Variants in NDUFAF6 observed in about 807,000 individuals in gnomAD.
NDUFAF6 encodes the protein NADH dehydrogenase (ubiquinone) complex I, assembly factor 6.
A neutral mutation model predicts 40.8 loss-of-function variants in NDUFAF6; 45 were observed. The ratio of observed to expected loss-of-function variants is 1.10; its 90% CI spans 0.87 to 1.42. NDUFAF6 has a LOEUF of 1.42. NDUFAF6 is among the 40% of genes most tolerant of loss of function. The probability of loss-of-function intolerance (pLI) is 0.00; values close to 1 mark genes in which losing one functional copy is unlikely to be tolerated. For synonymous variants in NDUFAF6, 185 were observed against 155.9 expected, an observed-to-expected ratio of 1.19 and a Z score of -1.39; for missense variants, 435 against 418.5, an observed-to-expected ratio of 1.04 and a Z score of -0.34.
chr8:94,949,762 T>TG (rs1822408175), intron 2 of NDUFAF6, among the ~76,000 whole-genome samples: 1 of 151,322 alleles, frequency 6.6e-6, no homozygotes, highest in South Asian at 2.1e-4. Context: ...TCTCGCCGAG[T>TG]GAAGGGTCGA....
At chr8:95,097,590 T>C (rs1425129464), upstream of NDUFAF6, among the ~76,000 whole-genome samples, 1 of 152,090 alleles carries the variant, frequency 6.6e-6, no homozygotes, top group Non-Finnish European at 1.5e-5. Flanking sequence ...TCTCAGCTAC[T>C]CAGGAGGCTG....
chr8:94,982,415 G>C (rs1489098278), intron 2 of NDUFAF6, among the ~76,000 whole-genome samples: 1 of 152,142 alleles, frequency 6.6e-6, no homozygotes, highest in African/African-American at 2.4e-5. Context: ...GTTTGTGTAG[G>C]TATACTCTAT....
At chr8:94,899,407 C>T (rs149964031) in intron 1 of NDUFAF6, among the ~76,000 whole-genome samples, 1 of 152,188 alleles carries the variant, frequency 6.6e-6, no homozygotes, top group African/African-American at 2.4e-5. Flanking sequence ...TTCCTTTTTT[C>T]TTCTTTTCTG....
At chr8:94,997,325 CACACACACACACACACACAG>C (rs1826481922) in intron 2 of NDUFAF6, among the ~76,000 whole-genome samples, 2 of 138,852 alleles carry the variant, frequency 1.4e-5, no homozygotes, top group South Asian at 2.5e-4. Context: ...CACACACACA[CACACACACACACACACACAG>C]AGAGAGAGAG....
intron 2 of NDUFAF6, among the ~76,000 whole-genome samples, chr8:95,014,611 G>A (rs565957192): frequency 1.3e-5 from 2 of 152,310 alleles, no homozygotes; most frequent in South Asian, 4.1e-4. Flanking sequence ...CCTGGTTTAT[G>A]GTTTTGTTTA....
chr8:94,994,141 A>T (rs1033240668), intron 2 of NDUFAF6, among the ~76,000 whole-genome samples: 7 of 152,096 alleles, frequency 4.6e-5, no homozygotes, highest in African/African-American at 1.7e-4. Flanking sequence ...TGCCCCATTT[A>T]TGTTGGGCTT....
intron 1 of NDUFAF6, among the ~76,000 whole-genome samples, chr8:94,940,445 C>G (rs1821421486): frequency 6.6e-6 from 1 of 150,476 alleles, no homozygotes; most frequent in African/African-American, 2.4e-5. Context: ...CACAGAAATT[C>G]TGTGTGTGTG....
intron 3 of NDUFAF6, among the ~76,000 whole-genome samples, chr8:95,038,632 G>A (rs1181569089): frequency 1.3e-5 from 2 of 152,094 alleles, no homozygotes; most frequent in African/African-American, 2.4e-5. Flanking sequence ...ACAGGCGTGA[G>A]CGAATTGTTT....
chr8:95,117,684 G>A (rs1241617569), downstream of NDUFAF6, among the ~76,000 whole-genome samples: 1 of 152,170 alleles, frequency 6.6e-6, no homozygotes, highest in Non-Finnish European at 1.5e-5. Context: ...TAGACAGGCC[G>A]TATGACTAGG....
chr8:94,895,879 G>A, exon 1 of NDUFAF6: 1 of 153,630 alleles, frequency 6.5e-6, no homozygotes, highest in South Asian at 2.1e-4. Flanking sequence ...CCGCTCCGCC[G>A]GCCTTGCGCG....
At chr8:94,940,055 T>G in intron 1 of NDUFAF6, 1 of 1,614,200 alleles carries the variant, frequency 6.2e-7, no homozygotes, top group Non-Finnish European at 8.5e-7. Flanking sequence ...CCAGCTCTCC[T>G]CCATTGGACA....
intron 4 of NDUFAF6, among the ~76,000 whole-genome samples, chr8:95,108,876 T>C (rs1364903945): frequency 6.6e-6 from 1 of 152,180 alleles, no homozygotes; most frequent in Non-Finnish European, 1.5e-5. Context: ...GGGATTCCAA[T>C]ATTGATTAGT....
At chr8:95,089,925 A>T (rs1214049613) in intron 2 of NDUFAF6, among the ~76,000 whole-genome samples, 1 of 152,122 alleles carries the variant, frequency 6.6e-6, no homozygotes, top group African/African-American at 2.4e-5. Flanking sequence ...CCTCACTATT[A>T]TGGGTTTTAC....
intron 2 of NDUFAF6, among the ~76,000 whole-genome samples, chr8:94,982,167 G>A (rs1825501655): frequency 6.6e-6 from 1 of 152,024 alleles, no homozygotes; most frequent in South Asian, 2.1e-4. Context: ...AGGAGGCAGA[G>A]CTTGCAGTGA....
chr8:94,904,320 C>CTTTTTTTTTTTTTTTTTTTTTTTTTTT lies in NDUFAF6; in HGVS notation c.-936+8404_-936+8430dup, dbSNP rs57749627. Reference sequence around the variant, plus strand: ...CATCACACCTGGCTAATTTTTTTTGCTTTTTTTTTTTTTTTTTTTTTTTTT... The same window carrying CTTTTTTTTTTTTTTTTTTTTTTTTTTT: ...CATCACACCTGGCTAATTTTTTTTGCTTTTTTTTTTTTTTTTTTTTTTTTTTTTTTTTTTTTTTTTTTTTTTTTTTTT... On this transcript the variant is annotated intron_variant, in intron 1 of 14. Coordinates refer to the NDUFAF6 transcript ENST00000396113. Among the ~76,000 whole-genome samples the CTTTTTTTTTTTTTTTTTTTTTTTTTTT allele has an allele frequency of 8.8e-5, 3 of 34,138 alleles. 1 individual carries two copies. The highest frequency in any genetic ancestry group is 3.0e-4 in the African/African-American group (2 of 6,580). 22.4% of individuals were successfully genotyped at this position (34,138 alleles called of 152,430 possible).
In NDUFAF6 at chr8:95,041,635, A is replaced by G. The variant is rs1418860295; in HGVS notation, c.477+9A>G. 1 of 1,608,526 alleles carries G rather than the reference A, an allele frequency of 6.2e-7. No individual in the cohort carries two copies. Among genetic ancestry groups the G allele is most frequent in the Non-Finnish European group, 8.5e-7 (1 of 1,175,140 alleles). Reference sequence around the variant, plus strand: ...AAATCGTCGATGAAAGAGTGAGTCAAAATTGTTCAAGTCTTAAGTTTTTTC... The same window carrying G: ...AAATCGTCGATGAAAGAGTGAGTCAGAATTGTTCAAGTCTTAAGTTTTTTC... On this transcript the variant is annotated intron_variant, in intron 4 of 8. Transcript: ENST00000396124.
intron 9 of NDUFAF6, among the ~76,000 whole-genome samples, chr8:95,073,387 GCAGCGCCACCTCTC>G (rs1832934848): frequency 6.6e-6 from 1 of 152,222 alleles, no homozygotes; most frequent in African/African-American, 2.4e-5. Flanking sequence ...GGCCGAGTAG[GCAGCGCCACCTCTC>G]CCGAGCGCCC....
chr8:95,060,680 A>G (rs112118030), downstream of NDUFAF6, among the ~76,000 whole-genome samples: 9 of 152,374 alleles, frequency 5.9e-5, no homozygotes, highest in African/African-American at 1.7e-4. Context: ...CATTAGTACT[A>G]GAGCTGGATG....
At chr8:94,950,422 T>A (rs548890531) in intron 2 of NDUFAF6, 1 of 152,282 alleles carries the variant, frequency 6.6e-6, no homozygotes, top group Non-Finnish European at 1.5e-5. Flanking sequence ...ATGTAGTTCT[T>A]TGACCTGGGG....
Sources: gnomAD v4.1 joint callset for allele counts (sites outside exome capture counted in the v4.1 genomes callset) on GRCh38, gnomAD v4.1.1 for gene constraint, MANE v1.5 for transcripts, NCBI Gene and HGNC (gene_info 2026-07-23, HGNC 2026-07-21) for gene names.